The following PICALM variants were observed in gnomAD, a reference collection of about 807,000 sequenced individuals.
The protein encoded by PICALM is phosphatidylinositol-binding clathrin assembly protein.
PICALM carries 40 observed loss-of-function variants against 80.5 expected under a neutral mutation model. The observed-to-expected ratio is 0.50, with a 90% CI of 0.39 to 0.65. The LOEUF is 0.65. Among genes scored for constraint, PICALM ranks in the 30% least tolerant of loss-of-function variants. The probability of loss-of-function intolerance (pLI) is 0.00; values close to 1 mark genes in which losing one functional copy is unlikely to be tolerated. For missense variants in PICALM, 676 were observed against 778.9 expected (o/e 0.87, Z 1.57); for synonymous variants, 288 against 260.3 (o/e 1.11, Z -1.02).
intron 13 of PICALM, among the ~76,000 whole-genome samples, chr11:85,985,995 G>A (rs943874456): frequency 2.6e-4 from 39 of 152,148 alleles, no homozygotes; most frequent in African/African-American, 9.4e-4. Context: ...CATCTCCTGA[G>A]GTGCCTAGAG....
chr11:85,976,841 G>GA (rs2094299038), intron 17 of PICALM, 159 bp from the exon 18 acceptor site: 5 of 520,860 alleles, frequency 9.6e-6, no homozygotes, highest in South Asian at 2.9e-5. Flanking sequence ...AATGGTCAGT[G>GA]AAAAAAAGTG....
At position 86,000,757 on chromosome 11, in the gene PICALM, G is replaced by C. The variant is rs760024067; in HGVS notation, c.1040C>G (p.Ala347Gly). The C allele has an allele frequency of 1.2e-5, 20 of 1,612,920 alleles. No individual in the cohort carries two copies. The South Asian group carries it at 1.4e-4, about 12-fold the overall frequency. ...ALKEQRLKELAKKPHTSLTTA... is the reference protein window; with the variant it reads ...ALKEQRLKELGKKPHTSLTTA... ...TGTTAAAGAGGTATGAGGTTTCTTTGCAAGTTCTTTTAGGCGCTGTTCCTG... is the reference window on the plus strand; with the variant it reads ...TGTTAAAGAGGTATGAGGTTTCTTTCCAAGTTCTTTTAGGCGCTGTTCCTG... Residue 347 changes from alanine to glycine, a missense_variant, in exon 11 of 20, where the codon GCA (alanine) becomes GGA (glycine). Physicochemically the swap from Ala to Gly is moderately conservative, Grantham distance 60. Transcript: ENST00000393346.
At chr11:85,978,455 T>C (rs1362273817) in intron 17 of PICALM, 1 of 155,244 alleles carries the variant, frequency 6.4e-6, no homozygotes, top group African/African-American at 2.4e-5. Context: ...TTAAAAGAAT[T>C]TGTAGTATAA....
At chr11:86,057,308 A>C (rs2096284249) in intron 1 of PICALM, among the ~76,000 whole-genome samples, 1 of 152,172 alleles carries the variant, frequency 6.6e-6, no homozygotes, top group Non-Finnish European at 1.5e-5. Context: ...GGAGGCCGAG[A>C]GGCAGGCGGA....
At chr11:86,005,372 T>C (rs1416877504) in intron 8 of PICALM, among the ~76,000 whole-genome samples, 1 of 152,102 alleles carries the variant, frequency 6.6e-6, no homozygotes, top group Non-Finnish European at 1.5e-5. Context: ...TCTAAATATA[T>C]CTGGCTATTT....
intron 5 of PICALM, among the ~76,000 whole-genome samples, chr11:86,013,439 A>T (rs1490056075): frequency 1.3e-5 from 2 of 152,334 alleles, no homozygotes; most frequent in African/African-American, 2.4e-5. Context: ...GAACCACCAC[A>T]TTCTTTTTCT....
At chr11:86,035,896 C>T (rs1301238981) in intron 1 of PICALM, among the ~76,000 whole-genome samples, 6 of 140,704 alleles carry the variant, frequency 4.3e-5, no homozygotes, top group Admixed American at 3.0e-4. Context: ...TGCAGTGAGC[C>T]GAGATCATGC....
chr11:86,011,692 G>A (rs990083618), intron 6 of PICALM, among the ~76,000 whole-genome samples: 3 of 151,946 alleles, frequency 2.0e-5, no homozygotes, highest in South Asian at 2.1e-4. Flanking sequence ...GTAAGTCCAC[G>A]TTACTTCAGA....
intron 19 of PICALM, among the ~76,000 whole-genome samples, chr11:85,967,021 G>T (rs114917464): frequency 6.6e-6 from 1 of 152,116 alleles, no homozygotes; most frequent in African/African-American, 2.4e-5. Context: ...CAAGTTTGTG[G>T]TACACTTTGT....
intron 19 of PICALM, among the ~76,000 whole-genome samples, chr11:85,965,827 T>G (rs1280015875): frequency 0.01 from 1,458 of 144,746 alleles, 52 homozygotes; most frequent in Non-Finnish European, 7.4e-3. Flanking sequence ...TTTTTTTTTT[T>G]TTTTTTTTTT....
At chr11:86,036,694 G>T (rs562927492) in intron 1 of PICALM, among the ~76,000 whole-genome samples, 1 of 152,038 alleles carries the variant, frequency 6.6e-6, no homozygotes, top group Admixed American at 6.5e-5. Flanking sequence ...AATACTATGA[G>T]GCCAACGAAT....
At chr11:85,984,560 C>CA (rs1381356969) in intron 13 of PICALM, among the ~76,000 whole-genome samples, 1 of 152,076 alleles carries the variant, frequency 6.6e-6, no homozygotes, top group Non-Finnish European at 1.5e-5. Flanking sequence ...TTTAAAACAT[C>CA]AAAGAAAAAA....
chr11:86,052,163 T>TGTTCTCATGATAGTGAGTGA (rs1382970581), intron 1 of PICALM, among the ~76,000 whole-genome samples: 2 of 152,222 alleles, frequency 1.3e-5, no homozygotes, highest in Admixed American at 6.5e-5. Context: ...TCTCCCATGC[T>TGTTCTCATGATAGTGAGTGA]GTTCTCATGA....
At chr11:85,970,908 C>T (rs1311568638) in intron 19 of PICALM, among the ~76,000 whole-genome samples, 2 of 152,026 alleles carry the variant, frequency 1.3e-5, no homozygotes, top group Non-Finnish European at 2.9e-5. Flanking sequence ...CGGATTAAAT[C>T]GGGGAGGCAG....
intron 1 of PICALM, among the ~76,000 whole-genome samples, chr11:86,053,080 A>G (rs1485082215): frequency 6.6e-6 from 1 of 152,216 alleles, no homozygotes; most frequent in Non-Finnish European, 1.5e-5. Context: ...GTCTGGCAAT[A>G]CAGCTATCTG....
upstream of PICALM, chr11:86,069,162 C>A (rs551429359): frequency 9.0e-6 from 2 of 223,458 alleles, no homozygotes; most frequent in African/African-American, 4.5e-5. Flanking sequence ...TCCCTTCTCC[C>A]GCCCCTTTCC....
At position 86,022,324 on chromosome 11, in the gene PICALM, T is replaced by A. The variant is rs763267878; in HGVS notation, c.452+43A>T. On this transcript the variant is annotated intron_variant, in intron 4 of 19. Coordinates refer to ENST00000393346, the MANE Select transcript of PICALM (RefSeq NM_007166.4). ...TAGTAACTCCTATGTTTTACATTTT[T>A]AAAAATTCAAATCAATTAGATGTCA... 6.4e-6 allele frequency: 7 copies of A among 1,092,228 alleles called. No individual in the cohort carries two copies. In the East Asian group the frequency reaches 9.5e-5, roughly 15 times the overall value. 67.7% of individuals were successfully genotyped at this position (1,092,228 alleles called of 1,614,324 possible).
At chr11:86,030,271 G>A (rs2095726575) in intron 2 of PICALM, among the ~76,000 whole-genome samples, 1 of 152,122 alleles carries the variant, frequency 6.6e-6, no homozygotes, top group Non-Finnish European at 1.5e-5. Context: ...AAGATGTGCT[G>A]GAACAATAAA....
Position 86,014,861 on chromosome 11 carries a change from AT to A in PICALM, c.546+8del, listed in dbSNP as rs763386969. On this transcript the variant is annotated splice_region_variant and intron_variant, in intron 5 of 19. Coordinates refer to ENST00000393346, the MANE Select transcript of PICALM (RefSeq NM_007166.4). ...TTTTAAAATCTTAAATTACAAAAGC[AT>A]AACTCACATTAAAATCAAGAAGTGC... 7 of 1,442,402 alleles carry A rather than the reference AT, an allele frequency of 4.9e-6. No individual in the cohort carries two copies. The African/African-American group carries it at 1.0e-4, about 21-fold the overall frequency. 89.4% of individuals were successfully genotyped at this position (1,442,402 alleles called of 1,614,324 possible). A position where few individuals can be genotyped will look rare whatever the true frequency, so the allele number is the denominator to read the frequency against.
Sources: allele counts gnomAD v4.1 joint callset (sites outside exome capture counted in the v4.1 genomes callset), GRCh38; gene constraint gnomAD v4.1.1; transcripts MANE v1.5; gene names NCBI Gene and HGNC (gene_info 2026-07-23, HGNC 2026-07-21).